Variants in CPEB3 observed in about 807,000 individuals in gnomAD.
The protein encoded by CPEB3 is cytoplasmic polyadenylation element-binding protein 3.
CPEB3 carries 20 observed loss-of-function variants against 67.2 expected under a neutral mutation model. The ratio of observed to expected loss-of-function variants is 0.30; its 90% CI spans 0.21 to 0.43. CPEB3 has a LOEUF of 0.43. Ranked by LOEUF, CPEB3 falls within the 20% of genes least tolerant of loss-of-function variation. The pLI is 1.00. For synonymous variants in CPEB3, 376 were observed against 393.1 expected (o/e 0.96, Z 0.51); for missense variants, 746 against 968.6 (o/e 0.77, Z 3.05).
intron 9 of CPEB3, among the ~76,000 whole-genome samples, chr10:92,056,676 A>C (rs1842124924): frequency 1.3e-5 from 2 of 152,136 alleles, no homozygotes; most frequent in African/African-American, 4.8e-5. Flanking sequence ...TGCAACACTT[A>C]GGTGAGTCCT....
chr10:92,241,865 T>C, intron 1 of CPEB3, among the ~76,000 whole-genome samples: 1 of 152,316 alleles, frequency 6.6e-6, no homozygotes, highest in Non-Finnish European at 1.5e-5. Flanking sequence ...TAGATGATGA[T>C]TCAGTACAAT....
In CPEB3 at chr10:92,084,780, C is replaced by T. The variant is rs539457731; in HGVS notation, c.1688-3279G>A. On this transcript the variant is annotated intron_variant, in intron 8 of 9. Transcript: ENST00000265997. ...ATTTTTAGTAGAGACTGGGTTTCAC[C>T]GTGTTAGTCAGGATGGTCTCGATCT... 4.6e-5 allele frequency among the ~76,000 whole-genome samples: 7 copies of T among 152,148 alleles called. No individual in the cohort carries two copies. In the South Asian group the frequency reaches 1.2e-3, roughly 27 times the overall value.
intron 2 of CPEB3, among the ~76,000 whole-genome samples, chr10:92,222,393 C>T (rs780669188): frequency 1.3e-5 from 2 of 151,800 alleles, no homozygotes; most frequent in Admixed American, 1.3e-4. Context: ...ATATGCAAAC[C>T]AATGAAATGA....
At chr10:92,079,674 T>C (rs1843063268) in intron 9 of CPEB3, among the ~76,000 whole-genome samples, 2 of 152,240 alleles carry the variant, frequency 1.3e-5, no homozygotes, top group African/African-American at 4.8e-5. Context: ...ATCGGATACA[T>C]GTCTTAACAA....
intron 1 of CPEB3, among the ~76,000 whole-genome samples, chr10:92,282,156 G>C (rs1048960445): frequency 3.3e-5 from 5 of 152,166 alleles, no homozygotes; most frequent in Admixed American, 1.3e-4. Context: ...ATAAGCCAAA[G>C]AGAGGAATGT....
Position 92,181,018 on chromosome 10 carries a change from TC to T in CPEB3, c.1166del (p.Gly389AspfsTer5). The T allele has an allele frequency of 6.7e-7, 1 of 1,487,714 alleles. No homozygotes were observed. Among genetic ancestry groups the T allele is most frequent in the Non-Finnish European group, 9.4e-7 (1 of 1,066,816 alleles). 92.2% of individuals were successfully genotyped at this position (1,487,714 alleles called of 1,614,324 possible). A position where few individuals can be genotyped will look rare whatever the true frequency, so the allele number is the denominator to read the frequency against. ...ADIMWRNHFA[G>X]RMGINFHHPG... ...GATGATGGAAATTTATCCCCATGCGTCCTAAAAAATAAAATAATTTTAAGCA... is the reference window on the plus strand; with the variant it reads ...GATGATGGAAATTTATCCCCATGCGTCTAAAAAATAAAATAATTTTAAGCA... On this transcript the variant is annotated frameshift_variant and splice_region_variant, in exon 4 of 10. Transcript: ENST00000265997. LOFTEE classifies it high-confidence loss of function.
At chr10:92,143,364 T>C (rs968609354) in intron 5 of CPEB3, among the ~76,000 whole-genome samples, 1 of 152,158 alleles carries the variant, frequency 6.6e-6, no homozygotes, top group African/African-American at 2.4e-5. Flanking sequence ...CCAATAAACT[T>C]GACATAAAGA....
chr10:92,215,069 A>G (rs889681116), intron 2 of CPEB3, among the ~76,000 whole-genome samples: 7 of 151,898 alleles, frequency 4.6e-5, no homozygotes, highest in Non-Finnish European at 8.8e-5. Context: ...GCTAGTCTCA[A>G]ACTCCTGACC....
chr10:92,218,407 A>AAAACAAAC (rs1181744299), intron 2 of CPEB3, among the ~76,000 whole-genome samples: 1 of 152,078 alleles, frequency 6.6e-6, no homozygotes, highest in Non-Finnish European at 1.5e-5. Flanking sequence ...ATTCCATCTC[A>AAAACAAAC]AAACAAACAA....
chr10:92,231,345 A>C (rs1239523525), intron 2 of CPEB3, among the ~76,000 whole-genome samples: 2 of 152,326 alleles, frequency 1.3e-5, no homozygotes, highest in East Asian at 3.9e-4. Flanking sequence ...TTTAAACTCT[A>C]ATTCTGACTA....
intron 6 of CPEB3, among the ~76,000 whole-genome samples, chr10:92,126,017 C>A (rs997081915): frequency 6.6e-6 from 1 of 152,204 alleles, no homozygotes; most frequent in African/African-American, 2.4e-5. Flanking sequence ...AACCACCACA[C>A]CTGGCCCTAG....
chr10:92,180,972 C>A lies in CPEB3; in HGVS notation c.1213G>T (p.Ala405Ser). ...TCATATGAAGACTTACTGTTAAGTG[C>A]CATAATATTATCTGTTCCTGGATGA... ...FHHPGTDNIM[A>S]LNNAFLDDSH... Residue 405 changes from alanine to serine, a missense_variant, in exon 4 of 10, where the codon GCA (alanine) becomes TCA (serine). This residue lies in a region of CPEB3 where 643 missense variants were observed against 717.5 expected (regional missense o/e 0.90). Coordinates refer to ENST00000265997, the MANE Select transcript of CPEB3 (RefSeq NM_014912.5). 6.8e-7 allele frequency: 1 copy of A among 1,473,498 alleles called. No homozygotes were observed. The highest frequency in any genetic ancestry group is 9.5e-7 in the Non-Finnish European group (1 of 1,053,132). The allele number at this position is 1,473,498 out of a possible 1,614,324, so 91.3% of individuals were successfully genotyped here.
intron 3 of CPEB3, among the ~76,000 whole-genome samples, chr10:92,189,698 A>ATTTT (rs1035403421): frequency 2.6e-4 from 23 of 88,050 alleles, no homozygotes; most frequent in African/African-American, 6.6e-4. Context: ...GTCTCTAGTG[A>ATTTT]TTTTTTTTTT....
At position 92,207,061 on chromosome 10, in the gene CPEB3, T is replaced by C. The variant is rs1007208818; in HGVS notation, c.1006-14425A>G. On this transcript the variant is annotated intron_variant, in intron 2 of 9. Coordinates refer to ENST00000265997, the MANE Select transcript of CPEB3 (RefSeq NM_014912.5). The stretch of plus-strand genomic sequence containing the variant: ...AGTACAGTGGCACGATCTTGGCTAA[T>C]AGTCTGGACCTTCCAGGCTCAAGTG... Among the ~76,000 whole-genome samples the C allele has an allele frequency of 3.9e-5, 6 of 152,084 alleles. 1 individual carries two copies. The South Asian group carries it at 6.2e-4, about 16-fold the overall frequency.
chr10:92,125,822 C>T (rs972041651), intron 6 of CPEB3, among the ~76,000 whole-genome samples: 1 of 151,886 alleles, frequency 6.6e-6, no homozygotes, highest in African/African-American at 2.4e-5. Context: ...TCCCCAGGCT[C>T]AGGTGATCCT....
chr10:92,094,303 G>T (rs1843754161), intron 7 of CPEB3, among the ~76,000 whole-genome samples: 1 of 151,000 alleles, frequency 6.6e-6, no homozygotes, highest in African/African-American at 2.4e-5. Context: ...TTTATTGCAT[G>T]AAAAAAAATG....
chr10:92,083,958 C>A (rs573345164), intron 8 of CPEB3, among the ~76,000 whole-genome samples: 115 of 152,050 alleles, frequency 7.6e-4, no homozygotes, highest in Middle Eastern at 6.8e-3. Flanking sequence ...CCAAGGTGGG[C>A]GGATCTTGAG....
chr10:92,167,568 TGTATCTCCTACAAGTGCA>T (rs1417895836), intron 4 of CPEB3, among the ~76,000 whole-genome samples: 1 of 152,170 alleles, frequency 6.6e-6, no homozygotes, highest in Non-Finnish European at 1.5e-5. Flanking sequence ...CAATTAAGTT[TGTATCTCCTACAAGTGCA>T]GTTCATGGCA....
intron 2 of CPEB3, among the ~76,000 whole-genome samples, chr10:92,214,524 G>T (rs763100919): frequency 6.6e-6 from 1 of 151,176 alleles, no homozygotes; most frequent in African/African-American, 2.4e-5. Flanking sequence ...ACTCTGTCCC[G>T]CAGGCTGGAG....
Sources: gnomAD v4.1 joint callset for allele counts (sites outside exome capture counted in the v4.1 genomes callset) on GRCh38, gnomAD v4.1.1 for gene constraint, gnomAD v4.1.1 regional missense constraint, MANE v1.5 for transcripts, NCBI Gene and HGNC (gene_info 2026-07-23, HGNC 2026-07-21) for gene names.